The following OXR1 variants were observed in gnomAD, a reference collection of about 807,000 sequenced individuals.
The protein encoded by OXR1 is oxidation resistance protein 1.
A neutral mutation model predicts 104.6 loss-of-function variants in OXR1; 41 were observed. The ratio of observed to expected loss-of-function variants is 0.39; its 90% CI spans 0.31 to 0.51. OXR1 has a LOEUF of 0.51. OXR1 is among the 20% of genes least tolerant of loss of function. The probability of loss-of-function intolerance (pLI) is 0.77; values close to 1 mark genes in which losing one functional copy is unlikely to be tolerated. For missense variants in OXR1, 955 were observed against 1,031.9 expected, an observed-to-expected ratio of 0.93 and a Z score of 1.02; for synonymous variants, 348 against 348.4, an observed-to-expected ratio of 1.00 and a Z score of 0.01.
chr8:106,429,735 G>A (rs897468423), intron 2 of OXR1, among the ~76,000 whole-genome samples: 6 of 151,656 alleles, frequency 4.0e-5, no homozygotes, highest in Non-Finnish European at 8.8e-5. Flanking sequence ...GTTTTGGAGG[G>A]GTATTAGAAA....
chr8:106,402,650 A>G (rs1470390909), intron 2 of OXR1, among the ~76,000 whole-genome samples: 1 of 152,110 alleles, frequency 6.6e-6, no homozygotes, highest in Admixed American at 6.5e-5. Context: ...CAAAGGTCTG[A>G]TTATTTCTTT....
chr8:106,635,321 G>T (rs1416164894), intron 3 of OXR1, among the ~76,000 whole-genome samples: 2 of 152,166 alleles, frequency 1.3e-5, no homozygotes, highest in Non-Finnish European at 2.9e-5. Flanking sequence ...CTTGAAAATT[G>T]TTGCATATGT....
intron 6 of OXR1, among the ~76,000 whole-genome samples, chr8:106,689,327 G>C (rs745499914): frequency 2.0e-4 from 30 of 151,914 alleles, no homozygotes; most frequent in South Asian, 4.1e-4. Flanking sequence ...TCTTCACATG[G>C]TGGTCTCTTC....
chr8:106,737,274 A>G (rs776937), intron 11 of OXR1, among the ~76,000 whole-genome samples: 20,058 of 152,052 alleles, frequency 0.13, 1,596 homozygotes, highest in Non-Finnish European at 0.18. Flanking sequence ...TTGAATCTAT[A>G]TGGAATAGTC....
At chr8:106,307,530 C>T (rs995310258) in intron 1 of OXR1, among the ~76,000 whole-genome samples, 1 of 152,004 alleles carries the variant, frequency 6.6e-6, no homozygotes, top group African/African-American at 2.4e-5. Context: ...TCTTCGGTTC[C>T]CATACTCACT....
At chr8:106,702,835 G>A (rs1038294393) in intron 7 of OXR1, 71 bp from the exon 8 acceptor site, 1 of 1,178,180 alleles carries the variant, frequency 8.5e-7, no homozygotes, top group Non-Finnish European at 1.2e-6. Context: ...AAGAAAATTA[G>A]TAAAAATAGC....
intron 2 of OXR1, among the ~76,000 whole-genome samples, chr8:106,379,699 G>A (rs1817062567): frequency 6.6e-6 from 1 of 151,596 alleles, no homozygotes; most frequent in Non-Finnish European, 1.5e-5. Flanking sequence ...CATCACACCT[G>A]GCTAAGTTTT....
chr8:106,656,985 T>C (rs1333839357), intron 3 of OXR1, among the ~76,000 whole-genome samples: 1 of 152,096 alleles, frequency 6.6e-6, no homozygotes, highest in Non-Finnish European at 1.5e-5. Context: ...TATTAATATA[T>C]TGGTGATTCC....
chr8:106,466,233 TG>T (rs1278170137), intron 2 of OXR1, among the ~76,000 whole-genome samples: 1 of 151,966 alleles, frequency 6.6e-6, no homozygotes, highest in Non-Finnish European at 1.5e-5. Context: ...GATGAACATT[TG>T]TCATTGTTTC....
intron 2 of OXR1, among the ~76,000 whole-genome samples, chr8:106,394,352 C>T (rs1352521659): frequency 6.6e-6 from 1 of 151,276 alleles, no homozygotes; most frequent in African/African-American, 2.4e-5. Context: ...TAACCACATG[C>T]TTGCCATATA....
chr8:106,540,928 T>C (rs1225193280), intron 3 of OXR1, among the ~76,000 whole-genome samples: 1 of 152,184 alleles, frequency 6.6e-6, no homozygotes, highest in East Asian at 1.9e-4. Context: ...ACAGTGGGAA[T>C]TGTGGGAATT....
At chr8:106,555,492 G>C (rs1816195022) in intron 3 of OXR1, among the ~76,000 whole-genome samples, 1 of 152,200 alleles carries the variant, frequency 6.6e-6, no homozygotes, top group South Asian at 2.1e-4. Context: ...TGAAGTTTAA[G>C]GCCCTACTAA....
At chr8:106,342,713 A>G (rs1815308215) in intron 1 of OXR1, among the ~76,000 whole-genome samples, 1 of 151,950 alleles carries the variant, frequency 6.6e-6, no homozygotes, top group East Asian at 1.9e-4. Context: ...TCTTCCCAAC[A>G]TTGCATTTGG....
At chr8:106,593,177 C>T (rs1035158626) in intron 3 of OXR1, among the ~76,000 whole-genome samples, 3 of 152,188 alleles carry the variant, frequency 2.0e-5, no homozygotes, top group Non-Finnish European at 2.9e-5. Context: ...GCCTACCTCA[C>T]GGACTGTTAG....
rs1325561501 is a variant in OXR1 at position 106,752,523 on chromosome 8, AT to A, written c.*1583del. 3 of 152,526 alleles carry A rather than the reference AT, an allele frequency of 2.0e-5. No individual in the cohort carries two copies. The highest frequency in any genetic ancestry group is 6.5e-5 in the Admixed American group (1 of 15,270). 9.4% of individuals were successfully genotyped at this position (152,526 alleles called of 1,614,324 possible). ...ACAATATATAGATTAAATGTTTACA[AT>A]ATAGGGAATTGTAAATAAATATATC... On this transcript the variant is annotated 3_prime_UTR_variant, in exon 17 of 17. Coordinates refer to ENST00000517566, the MANE Select transcript of OXR1 (RefSeq NM_001198533.2).
chr8:106,446,297 A>G (rs1820008035), intron 2 of OXR1, among the ~76,000 whole-genome samples: 1 of 152,184 alleles, frequency 6.6e-6, no homozygotes, highest in Admixed American at 6.5e-5. Flanking sequence ...TACTTCTCTG[A>G]ATCCACAGGG....
At chr8:106,352,444 C>T (rs1337130066) in intron 1 of OXR1, among the ~76,000 whole-genome samples, 2 of 152,162 alleles carry the variant, frequency 1.3e-5, no homozygotes, top group Non-Finnish European at 2.9e-5. Flanking sequence ...TTAAAATGTG[C>T]ATAGGATTGA....
chr8:106,353,378 A>AATG (rs1333358077), intron 1 of OXR1, among the ~76,000 whole-genome samples: 1 of 150,320 alleles, frequency 6.7e-6, no homozygotes, highest in Admixed American at 6.7e-5. Context: ...TAATAATAAT[A>AATG]ATAATAATAA....
chr8:106,742,728 G>A (rs1835025652), intron 15 of OXR1, among the ~76,000 whole-genome samples: 1 of 152,118 alleles, frequency 6.6e-6, no homozygotes, highest in South Asian at 2.1e-4. Flanking sequence ...ATTGTGCTGG[G>A]AGAACTGGCT....
Sources: gnomAD v4.1 joint callset for allele counts (sites outside exome capture counted in the v4.1 genomes callset) on GRCh38, gnomAD v4.1.1 for gene constraint, MANE v1.5 for transcripts, NCBI Gene and HGNC (gene_info 2026-07-23, HGNC 2026-07-21) for gene names.